The following GOLGB1 variants were observed in gnomAD, a reference collection of about 807,000 sequenced individuals.
The protein encoded by GOLGB1 is golgin B1, also known as golgin subfamily B member 1.
In GOLGB1, 174 loss-of-function variants were observed where a neutral mutation model predicts 336.9. That is an observed-to-expected ratio of 0.52 (90% CI 0.46 to 0.59). GOLGB1 has a LOEUF of 0.59. Ranked by LOEUF, GOLGB1 falls within the 20% of genes least tolerant of loss-of-function variation. GOLGB1 has a pLI of 0.00. For missense variants in GOLGB1, 3,331 were observed against 3,645.3 expected (o/e 0.91, Z 2.22); for synonymous variants, 1,208 against 1,289.2 (o/e 0.94, Z 1.35).
rs1373984871 is a variant in GOLGB1 at position 121,695,067 on chromosome 3, G to T, written c.5456C>A (p.Ser1819Ter). Residue 1819 changes from serine (S) to a stop codon, truncating the protein, a stop_gained, in exon 13 of 22, where the codon TCG becomes TAG. Coordinates refer to ENST00000614479, the MANE Select transcript of GOLGB1 (RefSeq NM_001366282.2). LOFTEE classifies it high-confidence loss of function. ...GTTGGCACTCTTCGCTGATGGAACC[G>T]ATTCTGAACATGTAGGTCTTGTGCT... Reference protein sequence around the residue: ...SMSTRPTCSESVPSAKSANPA... With the variant: ...SMSTRPTCSE 1 of 1,613,944 alleles carries T rather than the reference G, an allele frequency of 6.2e-7. No homozygotes were observed.
chr3:121,722,733 G>A (rs1427873177), intron 5 of GOLGB1, among the ~76,000 whole-genome samples: 1 of 152,168 alleles, frequency 6.6e-6, no homozygotes, highest in Non-Finnish European at 1.5e-5. Flanking sequence ...GAACTACATT[G>A]TATTAGAGTC....
chr3:121,704,653 G>C (rs1200647071), intron 10 of GOLGB1, among the ~76,000 whole-genome samples: 1 of 151,726 alleles, frequency 6.6e-6, no homozygotes, highest in Admixed American at 6.6e-5. Context: ...ACTCACGCCT[G>C]TAATCCCAGC....
chr3:121,711,491 C>A (rs779983542), intron 10 of GOLGB1, among the ~76,000 whole-genome samples: 49 of 151,984 alleles, frequency 3.2e-4, no homozygotes, highest in African/African-American at 1.2e-3. Flanking sequence ...CCAGTCTCAC[C>A]ACTTCTATTA....
intron 20 of GOLGB1, among the ~76,000 whole-genome samples, chr3:121,666,191 G>T (rs1938587136): frequency 6.6e-6 from 1 of 152,196 alleles, no homozygotes; most frequent in African/African-American, 2.4e-5. Flanking sequence ...TAGAGTACAT[G>T]TGAGATTCTA....
Position 121,694,178 on chromosome 3 carries a change from T to C in GOLGB1, c.6345A>G (p.Glu2115=), listed in dbSNP as rs376518203. The change falls in exon 13 of 22, where the codon GAA becomes GAG. Residue 2115 remains glutamate, a synonymous_variant. Coordinates refer to ENST00000614479, the MANE Select transcript of GOLGB1 (RefSeq NM_001366282.2). The stretch of plus-strand genomic sequence containing the variant: ...TTTGTTTCATCTGGCTTTTAACTGA[T>C]TCTTTATTTGACTGAAGTTCCTTTT... ...KLKKELQSNK[E]SVKSQMKQKD... 65 of 1,613,446 alleles carry C rather than the reference T, an allele frequency of 4.0e-5. No homozygotes were observed. The highest frequency in any genetic ancestry group is 5.3e-5 in the Non-Finnish European group (63 of 1,180,002).
At chr3:121,729,158 G>C in intron 4 of GOLGB1, 30 bp downstream of exon 4, 2 of 1,534,632 alleles carry the variant, frequency 1.3e-6, no homozygotes, top group Non-Finnish European at 1.8e-6. Context: ...TTTCAACTTA[G>C]GAAATATACA....
At chr3:121,733,999 AC>A (rs1008712350) in intron 1 of GOLGB1, among the ~76,000 whole-genome samples, 25 of 152,322 alleles carry the variant, frequency 1.6e-4, no homozygotes, top group African/African-American at 5.8e-4. Context: ...GCTTTTAGAC[AC>A]CAAAAAAGCA....
At chr3:121,717,273 G>C in intron 8 of GOLGB1, 134 bp from the exon 9 acceptor site, 1 of 698,220 alleles carries the variant, frequency 1.4e-6, no homozygotes, top group Non-Finnish European at 2.3e-6. Context: ...CCCTTCTCAA[G>C]AAGGAGAGTT....
At chr3:121,729,818 C>T (rs574161476) in intron 3 of GOLGB1, 47 bp downstream of exon 3, 2 of 1,408,022 alleles carry the variant, frequency 1.4e-6, no homozygotes, top group African/African-American at 1.4e-5. Context: ...AGTGTATCAT[C>T]TGTCCTTTAT....
chr3:121,690,907 A>G lies in GOLGB1; in HGVS notation c.8457T>C (p.Asp2819=), dbSNP rs1180368061. ...EKLNQQLLSK[D]EQLLHLSSQL... The stretch of plus-strand genomic sequence containing the variant: ...GTGAGGACAAGTGAAGCAATTGCTC[A>G]TCTTTGGATAGGAGCTGTTGGTTAA... The change falls in exon 14 of 22, where the codon GAT becomes GAC. Residue 2819 remains aspartate, a synonymous_variant. Coordinates refer to ENST00000614479, the MANE Select transcript of GOLGB1 (RefSeq NM_001366282.2). 2.5e-6 allele frequency: 4 copies of G among 1,614,024 alleles called. No individual in the cohort carries two copies. In the East Asian group the frequency reaches 6.7e-5, roughly 27 times the overall value.
rs1942354037 is a variant in GOLGB1, at chr3:121,690,945, GA to G, written c.8418del (p.His2807ThrfsTer23). ...SMNSTEENSL[S>X]HLEKLNQQLL... Reference sequence around the variant, plus strand: ...AGCTGTTGGTTAAGTTTCTCAAGGTGAGACAAGCTATTCTCCTCAGTGGAGT... The same window carrying G: ...AGCTGTTGGTTAAGTTTCTCAAGGTGGACAAGCTATTCTCCTCAGTGGAGT... On this transcript the variant is annotated frameshift_variant, in exon 14 of 22. Transcript: ENST00000614479. LOFTEE classifies it high-confidence loss of function. The G allele has an allele frequency of 2.5e-6, 4 of 1,614,078 alleles. No individual in the cohort carries two copies. The Admixed American group carries it at 6.7e-5, about 27-fold the overall frequency.
chr3:121,713,219 T>G (rs1944492252), intron 10 of GOLGB1, among the ~76,000 whole-genome samples: 1 of 152,088 alleles, frequency 6.6e-6, no homozygotes, highest in South Asian at 2.1e-4. Flanking sequence ...CTTATAAAGC[T>G]AAATACATAG....
rs780180498 is a variant in GOLGB1, at chr3:121,697,607, G to A, written c.2916C>T (p.Ser972=). 1.2e-6 allele frequency: 2 copies of A among 1,613,076 alleles called. No homozygotes were observed. The highest frequency in any genetic ancestry group is 1.7e-6 in the Non-Finnish European group (2 of 1,179,868). ...SGLKQNYDEM[S]PAGQISKEEL... ...CTTCCTTACTTATTTGTCCTGCTGG[G>A]CTCATCTCATCATAATTTTGTTTAA... The change falls in exon 13 of 22, where the codon AGC becomes AGT. Residue 972 remains serine (S), a synonymous_variant. Transcript: ENST00000614479.
At chr3:121,683,622 C>G (rs1214173665) in intron 14 of GOLGB1, among the ~76,000 whole-genome samples, 1 of 152,092 alleles carries the variant, frequency 6.6e-6, no homozygotes, top group African/African-American at 2.4e-5. Flanking sequence ...TAACCTTCAC[C>G]TGAAGAATGG....
At chr3:121,716,646 G>T in intron 9 of GOLGB1, 91 bp downstream of exon 9, 1 of 1,068,126 alleles carries the variant, frequency 9.4e-7, no homozygotes, top group Non-Finnish European at 1.4e-6. Context: ...ATTGGTTTGA[G>T]TACAGATTTC....
chr3:121,693,685 A>G, intron 13 of GOLGB1, 56 bp downstream of exon 13: 1 of 1,235,066 alleles, frequency 8.1e-7, no homozygotes, highest in Non-Finnish European at 1.1e-6. Context: ...AATAGTTTAG[A>G]GACTTTCTTT....
chr3:121,702,615 C>A lies in GOLGB1; in HGVS notation c.1405-20G>T. ...GACTGCCTAAATTGTAGAAAGACAA[C>A]AAATTAATGATTCTCCAGCAGAAAA... is the stretch of plus-strand genomic sequence containing the variant. On this transcript the variant is annotated intron_variant, in intron 10 of 21. Coordinates refer to ENST00000614479, the MANE Select transcript of GOLGB1 (RefSeq NM_001366282.2). 2 of 1,197,656 alleles carry A rather than the reference C, an allele frequency of 1.7e-6. No individual in the cohort carries two copies. The highest frequency in any genetic ancestry group is 1.7e-5 in the South Asian group (1 of 59,038). The allele number at this position is 1,197,656 out of a possible 1,614,324, so 74.2% of individuals were successfully genotyped here.
At position 121,694,001 on chromosome 3, in the gene GOLGB1, T is replaced by C. The variant is rs2107809809; in HGVS notation, c.6522A>G (p.Lys2174=). 6.2e-7 allele frequency: 1 copy of C among 1,614,176 alleles called. No homozygotes were observed. Among genetic ancestry groups the C allele is most frequent in the South Asian group, 1.1e-5 (1 of 91,082 alleles). Reference sequence around the variant, plus strand: ...CCTGAAGTTGCTGAACTTCCTTGTCTTTCTTGTTCAAAGTAACCTGAATCT... The same window carrying C: ...CCTGAAGTTGCTGAACTTCCTTGTCCTTCTTGTTCAAAGTAACCTGAATCT... The part of the protein sequence containing the change: ...IGEIQVTLNK[K]DKEVQQLQEN... Residue 2174 remains lysine, a synonymous_variant, in exon 13 of 22, where the codon AAA becomes AAG. Coordinates refer to ENST00000614479, the MANE Select transcript of GOLGB1 (RefSeq NM_001366282.2).
chr3:121,744,618 C>CAAAA (rs200070177), intron 1 of GOLGB1, among the ~76,000 whole-genome samples: 23 of 59,938 alleles, frequency 3.8e-4, no homozygotes, highest in African/African-American at 1.1e-3. Context: ...GACCTTGTCT[C>CAAAA]AAAAAAAAAA....
Sources: gnomAD v4.1 joint callset for allele counts (sites outside exome capture counted in the v4.1 genomes callset) on GRCh38, gnomAD v4.1.1 for gene constraint, MANE v1.5 for transcripts, NCBI Gene and HGNC (gene_info 2026-07-23, HGNC 2026-07-21) for gene names.